Variants in NBEAL1 observed in about 807,000 individuals in gnomAD.
NBEAL1 encodes the protein neurobeachin-like protein 1.
NBEAL1 carries 273 observed loss-of-function variants against 351.3 expected under a neutral mutation model. That is an observed-to-expected ratio of 0.78 (90% confidence interval 0.70 to 0.86). The LOEUF (loss-of-function observed/expected upper bound fraction) is 0.86, where lower values mean the gene tolerates loss of function less well. NBEAL1 is among the 40% of genes least tolerant of loss of function. The pLI is 0.00. For synonymous variants in NBEAL1, 1,050 were observed against 1,086.4 expected (o/e 0.97, Z 0.66); for missense variants, 2,961 against 3,201.3 (o/e 0.92, Z 1.81).
At chr2:203,121,056 G>A (rs1301183762) in intron 18 of NBEAL1, among the ~76,000 whole-genome samples, 1 of 152,182 alleles carries the variant, frequency 6.6e-6, no homozygotes, top group Non-Finnish European at 1.5e-5. Flanking sequence ...AAGTTAACAT[G>A]CCTTTACGAA....
At chr2:203,145,244 C>T (rs2106338729) in intron 33 of NBEAL1, 84 bp downstream of exon 33, 1 of 1,147,638 alleles carries the variant, frequency 8.7e-7, no homozygotes, top group Non-Finnish European at 1.2e-6. Flanking sequence ...AGGCCCCAAA[C>T]TTTAAAACAA....
chr2:203,098,390 T>G (rs958387788), intron 11 of NBEAL1, among the ~76,000 whole-genome samples: 15 of 152,298 alleles, frequency 9.8e-5, no homozygotes, highest in South Asian at 2.1e-4. Flanking sequence ...AGATGTGAAA[T>G]GCCAATTTAC....
At chr2:203,141,492 C>G (rs1030808051) in intron 31 of NBEAL1, among the ~76,000 whole-genome samples, 1 of 147,276 alleles carries the variant, frequency 6.8e-6, no homozygotes, top group Non-Finnish European at 1.5e-5. Flanking sequence ...AAGCAATTCC[C>G]TAGCCTCAGC....
At chr2:203,167,127 C>T in intron 37 of NBEAL1, 100 bp from the exon 38 acceptor site, 2 of 1,155,920 alleles carry the variant, frequency 1.7e-6, no homozygotes, top group Admixed American at 2.5e-5. Flanking sequence ...AATTGAATTC[C>T]TTTTTCCTAA....
intron 12 of NBEAL1, among the ~76,000 whole-genome samples, chr2:203,101,284 T>C (rs1199358469): frequency 6.6e-6 from 1 of 152,158 alleles, no homozygotes; most frequent in Non-Finnish European, 1.5e-5. Context: ...GTTTTTGTCA[T>C]GTTTGTCAAA....
At chr2:203,171,189 CAG>C (rs2064308478) in intron 39 of NBEAL1, among the ~76,000 whole-genome samples, 1 of 152,074 alleles carries the variant, frequency 6.6e-6, no homozygotes, top group Non-Finnish European at 1.5e-5. Flanking sequence ...ACCCTGGAGA[CAG>C]AGGTCACAGT....
At chr2:203,104,120 A>C (rs1041094507) in intron 12 of NBEAL1, among the ~76,000 whole-genome samples, 3 of 152,010 alleles carry the variant, frequency 2.0e-5, no homozygotes, top group African/African-American at 4.8e-5. Context: ...TACTAGGTCC[A>C]TTTGGTCATG....
In NBEAL1 at chr2:203,083,468, C is replaced by G; in HGVS notation, c.934C>G (p.Gln312Glu). ...LNSDHSALPN[Q>E]RRSRQWENRF... is the part of the protein sequence containing the mutation. Reference sequence around the variant, plus strand: ...TTCAGATCATTCAGCTTTACCTAATCAAAGGAGGTCCAGACAGTGGGAAAA... The same window carrying G: ...TTCAGATCATTCAGCTTTACCTAATGAAAGGAGGTCCAGACAGTGGGAAAA... The change falls in exon 9 of 56, where the codon CAA becomes GAA. Residue 312 changes from glutamine to glutamate, a missense_variant. Physicochemically the swap from Gln to Glu is conservative, Grantham distance 29. Coordinates refer to ENST00000683969, the MANE Select transcript of NBEAL1 (RefSeq NM_001378026.1). 6.4e-7 allele frequency: 1 copy of G among 1,552,606 alleles called. No individual in the cohort carries two copies. The highest frequency in any genetic ancestry group is 1.2e-5 in the South Asian group (1 of 84,100).
At chr2:203,209,125 T>G in intron 52 of NBEAL1, 36 bp from the exon 53 acceptor site, 1 of 1,545,534 alleles carries the variant, frequency 6.5e-7, no homozygotes, top group Non-Finnish European at 8.9e-7. Flanking sequence ...TTCTTTTCCT[T>G]TGTCTTTTTC....
chr2:203,144,128 T>C (rs1043211785), intron 31 of NBEAL1, among the ~76,000 whole-genome samples: 1 of 150,602 alleles, frequency 6.6e-6, no homozygotes, highest in African/African-American at 2.5e-5. Context: ...GGAGAATCGC[T>C]TGAACCCAGG....
At position 203,219,426 on chromosome 2, in the gene NBEAL1, TGG is replaced by T. The variant is rs1259322653; in HGVS notation, c.*2073_*2074del. 2 of 152,124 alleles carry T rather than the reference TGG, an allele frequency of 1.3e-5. No individual in the cohort carries two copies. The highest frequency in any genetic ancestry group is 2.9e-5 in the Non-Finnish European group (2 of 68,024). The allele number at this position is 152,124 out of a possible 1,614,324, so 9.4% of individuals were successfully genotyped here. Reference sequence around the variant, plus strand: ...ATGTTTTACTATGCTGCTTTTTAGATGGAAGAAATAAGCAGTTTTTACTTTAT... The same window carrying T: ...ATGTTTTACTATGCTGCTTTTTAGATAAGAAATAAGCAGTTTTTACTTTAT... On this transcript the variant is annotated 3_prime_UTR_variant, in exon 56 of 56. Coordinates refer to ENST00000683969, the MANE Select transcript of NBEAL1 (RefSeq NM_001378026.1).
At position 203,125,381 on chromosome 2, in the gene NBEAL1, T is replaced by C. The variant is rs1303735419; in HGVS notation, c.2712T>C (p.Asn904=). The part of the protein sequence containing the change: ...KDIINCIGGL[N]VLFPLLEQIS... Reference sequence around the variant, plus strand: ...TCATAAACTGCATAGGTGGGTTAAATGTACTCTTTCCTTTATTGGAACAAA... The same window carrying C: ...TCATAAACTGCATAGGTGGGTTAAACGTACTCTTTCCTTTATTGGAACAAA... The change falls in exon 20 of 56, where the codon AAT becomes AAC. Residue 904 remains asparagine, a synonymous_variant. Transcript: ENST00000683969. The C allele has an allele frequency of 1.9e-6, 3 of 1,541,842 alleles. No individual in the cohort carries two copies. In the African/African-American group the frequency reaches 4.1e-5, roughly 21 times the overall value.
chr2:203,199,569 G>T (rs2065337078), intron 49 of NBEAL1, 122 bp downstream of exon 49: 1 of 562,136 alleles, frequency 1.8e-6, no homozygotes, highest in Admixed American at 3.5e-5. Context: ...TTTTGAGACA[G>T]AGTCTTGCTC....
At chr2:203,125,120 A>C (rs2062909411) in intron 19 of NBEAL1, among the ~76,000 whole-genome samples, 1 of 152,186 alleles carries the variant, frequency 6.6e-6, no homozygotes, top group South Asian at 2.1e-4. Context: ...AAATTTGGAA[A>C]ATGAAGATGG....
chr2:203,045,546 C>A (rs964009466), intron 3 of NBEAL1, among the ~76,000 whole-genome samples: 1 of 152,152 alleles, frequency 6.6e-6, no homozygotes, highest in African/African-American at 2.4e-5. Flanking sequence ...ATTTGGCATT[C>A]CTTATAATAT....
chr2:203,134,711 A>G (rs1160028913), intron 27 of NBEAL1, among the ~76,000 whole-genome samples: 3 of 152,308 alleles, frequency 2.0e-5, no homozygotes, highest in South Asian at 2.1e-4. Context: ...ATTTTAATCA[A>G]TTGGATAGTA....
At chr2:203,052,023 A>G (rs2061332087) in intron 4 of NBEAL1, among the ~76,000 whole-genome samples, 1 of 151,706 alleles carries the variant, frequency 6.6e-6, no homozygotes. Flanking sequence ...GTATTTATAC[A>G]TTATTAACTA....
chr2:203,059,917 G>C (rs2061470279), intron 6 of NBEAL1, among the ~76,000 whole-genome samples: 1 of 152,140 alleles, frequency 6.6e-6, no homozygotes. Flanking sequence ...TTAGCACTTT[G>C]GTTCTAACTA....
intron 3 of NBEAL1, among the ~76,000 whole-genome samples, chr2:203,046,692 C>T (rs1354807767): frequency 3.9e-5 from 6 of 152,122 alleles, no homozygotes; most frequent in African/African-American, 9.7e-5. Context: ...AGGGCAACTC[C>T]CTTCACTCTG....
Sources: allele counts gnomAD v4.1 joint callset (sites outside exome capture counted in the v4.1 genomes callset), GRCh38; gene constraint gnomAD v4.1.1; transcripts MANE v1.5; gene names NCBI Gene and HGNC (gene_info 2026-07-23, HGNC 2026-07-21).